HTT: variants seen among roughly 807,000 people sequenced by gnomAD.
HTT encodes huntington disease protein.
HTT carries 104 observed loss-of-function variants against 362.3 expected under a neutral mutation model. The observed-to-expected ratio is 0.29, with a 90% CI of 0.24 to 0.34. HTT has a LOEUF of 0.34. HTT is among the 10% of genes least tolerant of loss of function. The pLI is 1.00. For synonymous variants in HTT, 1,577 were observed against 1,548.7 expected (o/e 1.02, Z -0.43); for missense variants, 3,301 against 3,928.6 (o/e 0.84, Z 4.27).
At chr4:3,180,286 GT>G (rs145901763) in intron 35 of HTT, among the ~76,000 whole-genome samples, 2 of 151,896 alleles carry the variant, frequency 1.3e-5, no homozygotes, top group Non-Finnish European at 2.9e-5. Context: ...GGAGCCCTAG[GT>G]TTTTTTTCTT....
rs755618335 is a variant in HTT at position 3,208,766 on chromosome 4, A to G, written c.6153-7A>G. 2 of 1,577,110 alleles carry G rather than the reference A, an allele frequency of 1.3e-6. No individual in the cohort carries two copies. The highest frequency in any genetic ancestry group is 2.8e-5 in the African/African-American group (2 of 72,582). On this transcript the variant is annotated splice_polypyrimidine_tract_variant and splice_region_variant and intron_variant, in intron 45 of 66. Coordinates refer to ENST00000355072, the MANE Select transcript of HTT (RefSeq NM_001388492.1). Reference sequence around the variant, plus strand: ...ATACTGTAATTTCATTTTTATTTGTATTTTAGACACCAAAGGCTCTATTCC... The same window carrying G: ...ATACTGTAATTTCATTTTTATTTGTGTTTTAGACACCAAAGGCTCTATTCC...
At chr4:3,198,017 A>T (rs1195547735) in intron 40 of HTT, among the ~76,000 whole-genome samples, 3 of 152,108 alleles carry the variant, frequency 2.0e-5, no homozygotes, top group African/African-American at 7.2e-5. Context: ...AGTGTAGAGA[A>T]ATCCCAGGAA....
Position 3,172,378 on chromosome 4 carries a change from C to T in HTT, c.3923C>T (p.Ala1308Val). ...KSCFSREPMM[A>V]TVCVQQLLKT... ...TGCTTTAGTCGAGAACCAATGATGG[C>T]AACTGTTTGTGTTCAACAAGTAAGA... The change falls in exon 30 of 67, where the codon GCA becomes GTA. Residue 1308 changes from alanine (A) to valine (V), a missense_variant. By Grantham distance (64) the Ala-to-Val change is moderately conservative (BLOSUM62 0). Coordinates refer to ENST00000355072, the MANE Select transcript of HTT (RefSeq NM_001388492.1). 6.2e-7 allele frequency: 1 copy of T among 1,608,918 alleles called. No homozygotes were observed. The highest frequency in any genetic ancestry group is 1.1e-5 in the South Asian group (1 of 90,970).
intron 21 of HTT, among the ~76,000 whole-genome samples, chr4:3,137,920 A>C (rs533148897): frequency 6.6e-6 from 1 of 152,306 alleles, no homozygotes; most frequent in East Asian, 1.9e-4. Context: ...TGTTTTGGCT[A>C]ATTTATGAAT....
chr4:3,132,531 T>A, intron 16 of HTT, 31 bp from the exon 17 acceptor site: 1 of 1,590,666 alleles, frequency 6.3e-7, no homozygotes, highest in South Asian at 1.1e-5. Context: ...AGTAGGGAAT[T>A]GTTCCATGGC....
At chr4:3,127,239 C>T (rs746341925) in intron 11 of HTT, 25 bp from the exon 12 acceptor site, 6 of 1,557,192 alleles carry the variant, frequency 3.9e-6, no homozygotes, top group Non-Finnish European at 4.4e-6. Context: ...CGCCATTTGA[C>T]AAATGAGTGT....
At chr4:3,093,472 A>G (rs1049822193) in intron 2 of HTT, among the ~76,000 whole-genome samples, 10 of 152,246 alleles carry the variant, frequency 6.6e-5, no homozygotes, top group African/African-American at 1.9e-4. Flanking sequence ...GCAGAAATTG[A>G]CATGTATTTG....
chr4:3,104,386 A>G (rs1714319535), intron 4 of HTT, among the ~76,000 whole-genome samples: 2 of 151,502 alleles, frequency 1.3e-5, no homozygotes, highest in South Asian at 4.2e-4. Flanking sequence ...GAGGCAGGTG[A>G]TCACCTGAGA....
Position 3,188,990 on chromosome 4 carries a change from T to G in HTT, c.5265T>G (p.Ile1755Met), listed in dbSNP as rs1289310054. The change falls in exon 40 of 67, where the codon ATT becomes ATG. Residue 1755 changes from isoleucine to methionine, a missense_variant. Ile to Met is a conservative substitution (Grantham distance 10). This residue lies in a region of HTT where 2,316 missense variants were observed against 2,658.5 expected (regional missense o/e 0.87). Coordinates refer to ENST00000355072, the MANE Select transcript of HTT (RefSeq NM_001388492.1). ...LQLVGILLEDIVTKQLKVEMS... is the reference protein window; with the variant it reads ...LQLVGILLEDMVTKQLKVEMS... ...TGGTTGGTATTCTTTTAGAAGACAT[T>G]GTTACAAAACAGCTGAAGGTGGAAA... 1 of 1,614,052 alleles carries G rather than the reference T, an allele frequency of 6.2e-7. No individual in the cohort carries two copies. The highest frequency in any genetic ancestry group is 1.3e-5 in the African/African-American group (1 of 74,942).
At position 3,199,865 on chromosome 4, in the gene HTT, G is replaced by T; in HGVS notation, c.5502G>T (p.Leu1834=). 6.2e-7 allele frequency: 1 copy of T among 1,614,188 alleles called. No homozygotes were observed. The highest frequency in any genetic ancestry group is 1.1e-5 in the South Asian group (1 of 91,092). ...SMITTHPALV[L]LWCQILLLVN... is the part of the protein sequence containing the mutation. ...TCACCACCCACCCGGCCCTGGTGCTGCTCTGGTGTCAGATACTGCTGCTTG... is the reference window on the plus strand; with the variant it reads ...TCACCACCCACCCGGCCCTGGTGCTTCTCTGGTGTCAGATACTGCTGCTTG... Residue 1834 remains leucine, a synonymous_variant, in exon 41 of 67, where the codon CTG becomes CTT. Transcript: ENST00000355072.
chr4:3,113,530 A>G (rs891828616), intron 6 of HTT, among the ~76,000 whole-genome samples: 1 of 152,142 alleles, frequency 6.6e-6, no homozygotes, highest in Non-Finnish European at 1.5e-5. Flanking sequence ...GGGTTTCACC[A>G]TGTTGGCCAG....
chr4:3,220,439 T>C (rs764744576), intron 53 of HTT, 131 bp downstream of exon 53: 176 of 925,654 alleles, frequency 1.9e-4, no homozygotes, highest in Non-Finnish European at 2.7e-4. Context: ...TACAAACCTA[T>C]GTGAATACAT....
chr4:3,197,512 G>A lies in HTT; in HGVS notation c.5369-2220G>A, dbSNP rs909357406. 5.3e-5 allele frequency among the ~76,000 whole-genome samples: 8 copies of A among 152,030 alleles called. No individual in the cohort carries two copies. In the South Asian group the frequency reaches 6.2e-4, roughly 12 times the overall value. Reference sequence around the variant, plus strand: ...TACTAGGAGGTGGCCCTCAGAGTCCGTCTCATCTTCCACCTGAACTTCCCT... The same window carrying A: ...TACTAGGAGGTGGCCCTCAGAGTCCATCTCATCTTCCACCTGAACTTCCCT... On this transcript the variant is annotated intron_variant, in intron 40 of 66. Transcript: ENST00000355072.
At chr4:3,093,900 A>ATTT (rs1713658398) in intron 2 of HTT, among the ~76,000 whole-genome samples, 2 of 60,908 alleles carry the variant, frequency 3.3e-5, no homozygotes, top group East Asian at 6.4e-4. Flanking sequence ...TACCCCTTTA[A>ATTT]GTTGGTTTTT....
chr4:3,167,865 G>T (rs1444999668), intron 29 of HTT, among the ~76,000 whole-genome samples: 2 of 152,178 alleles, frequency 1.3e-5, no homozygotes, highest in Non-Finnish European at 2.9e-5. Flanking sequence ...TCTCTGGCCT[G>T]TGTCTTTACA....
At position 3,206,616 on chromosome 4, in the gene HTT, T is replaced by G. The variant is rs1719865439; in HGVS notation, c.5839T>G (p.Ser1947Ala). 6.2e-7 allele frequency: 1 copy of G among 1,614,058 alleles called. No individual in the cohort carries two copies. The highest frequency in any genetic ancestry group is 1.7e-5 in the Admixed American group (1 of 60,010). ...QDFISAVHRN[S>A]AASGLFIQAI... ...CTTCATCAGTGCCGTTCATCGGAACTCTGCTGCCAGCGGCCTGTTCATCCA... is the reference window on the plus strand; with the variant it reads ...CTTCATCAGTGCCGTTCATCGGAACGCTGCTGCCAGCGGCCTGTTCATCCA... Residue 1947 changes from serine (S) to alanine (A), a missense_variant, in exon 43 of 67, where the codon TCT becomes GCT. Ser to Ala is a moderately conservative substitution (Grantham distance 99). Transcript: ENST00000355072. This position sits in a 1 kb window ranked among gnomAD's most constrained non-coding sequence, Gnocchi z 4.6.
At chr4:3,235,523 G>A (rs1459357409) in intron 62 of HTT, 42 bp from the exon 63 acceptor site, 14 of 1,588,182 alleles carry the variant, frequency 8.8e-6, no homozygotes, top group East Asian at 2.2e-5. Context: ...ACCTGAGACT[G>A]TGCAGCGATT....
chr4:3,163,108 C>T (rs1160230238), intron 29 of HTT, among the ~76,000 whole-genome samples: 1 of 152,128 alleles, frequency 6.6e-6, no homozygotes, highest in Non-Finnish European at 1.5e-5. Flanking sequence ...CCATCGATAC[C>T]TAGTTTATTG....
chr4:3,217,457 G>T (rs1437801350), intron 51 of HTT, among the ~76,000 whole-genome samples: 2 of 152,224 alleles, frequency 1.3e-5, no homozygotes, highest in Non-Finnish European at 2.9e-5. Context: ...TGAGGCTGAG[G>T]AGCCACAGGA....
Sources: allele counts gnomAD v4.1 joint callset (sites outside exome capture counted in the v4.1 genomes callset), GRCh38; gene constraint gnomAD v4.1.1; regional missense constraint gnomAD v4.1.1; non-coding constraint Gnocchi (gnomAD v3.1); transcripts MANE v1.5; gene names NCBI Gene and HGNC (gene_info 2026-07-23, HGNC 2026-07-21).